Variants in KIAA1671 observed in about 807,000 individuals in gnomAD.
KIAA1671 encodes the protein KIAA1671.
Under a neutral mutation model 131.2 loss-of-function variants are expected in KIAA1671, and 52 were observed. That is an observed-to-expected ratio of 0.40 (90% confidence interval 0.32 to 0.50). The LOEUF (loss-of-function observed/expected upper bound fraction) is 0.50, where lower values mean the gene tolerates loss of function less well. Ranked by LOEUF, KIAA1671 falls within the 20% of genes least tolerant of loss-of-function variation. KIAA1671 has a pLI of 0.73. For synonymous variants in KIAA1671, 1,003 were observed against 961.6 expected, an observed-to-expected ratio of 1.04 and a Z score of -0.80; for missense variants, 2,360 against 2,364.2, an observed-to-expected ratio of 1.00 and a Z score of 0.04.
intron 6 of KIAA1671, among the ~76,000 whole-genome samples, chr22:25,085,779 G>GAGGA (rs1390719601): frequency 2.3e-5 from 2 of 87,232 alleles, no homozygotes; most frequent in African/African-American, 7.9e-5. Context: ...GGAAGGAAGG[G>GAGGA]AGGAAGGGAG....
In KIAA1671 at chr22:25,003,400, A is replaced by AT. The variant is rs71191013; in HGVS notation, c.-207-22204dup. ...GCCTTATCTCCTTTCACTTGGAGAG[A>AT]TTTTTTTTTTTTTTTTTTTTTTTTT... On this transcript the variant is annotated intron_variant, in intron 1 of 12. Coordinates refer to ENST00000358431, the MANE Select transcript of KIAA1671 (RefSeq NM_001145206.2). 9.2e-3 allele frequency among the ~76,000 whole-genome samples: 1,049 copies of AT among 113,764 alleles called. 80 individuals carry two copies. The highest frequency in any genetic ancestry group is 0.017 in the African/African-American group (409 of 23,792). The allele number at this position is 113,764 out of a possible 152,430, so 74.6% of individuals were successfully genotyped here.
At chr22:24,995,102 G>A (rs1349596685) in intron 1 of KIAA1671, among the ~76,000 whole-genome samples, 12 of 150,896 alleles carry the variant, frequency 8.0e-5, no homozygotes, top group Middle Eastern at 3.4e-3. Context: ...CCAGGCTGGA[G>A]TGCAGTGGCG....
rs750459293 is a variant in KIAA1671 at position 25,159,192 on chromosome 22, G to T, written c.4531-11628G>T. On this transcript the variant is annotated intron_variant, in intron 6 of 12. Coordinates refer to ENST00000358431, the MANE Select transcript of KIAA1671 (RefSeq NM_001145206.2). ...AGAGCTTTGTCAGGCACTCCCAGCCGGGAAACCAAATACGCCTCCTGCAGA... is the reference window on the plus strand; with the variant it reads ...AGAGCTTTGTCAGGCACTCCCAGCCTGGAAACCAAATACGCCTCCTGCAGA... 3.3e-4 allele frequency among the ~76,000 whole-genome samples: 50 copies of T among 152,238 alleles called. 1 individual carries two copies. The highest frequency in any genetic ancestry group is 1.6e-3 in the Admixed American group (24 of 15,294).
intron 1 of KIAA1671, among the ~76,000 whole-genome samples, chr22:24,971,146 G>A (rs1198375880): frequency 6.6e-6 from 1 of 152,086 alleles, no homozygotes; most frequent in Admixed American, 6.6e-5. Flanking sequence ...AGTAGAGACG[G>A]GGTTTCACCA....
intron 6 of KIAA1671, chr22:25,058,429 A>C (rs1220533766): frequency 2.0e-5 from 3 of 152,152 alleles, no homozygotes; most frequent in Non-Finnish European, 1.5e-5. Context: ...ATGTAGTATC[A>C]GACTTTTCTT....
chr22:24,965,490 C>T (rs1922251794), intron 1 of KIAA1671, among the ~76,000 whole-genome samples: 1 of 150,788 alleles, frequency 6.6e-6, no homozygotes, highest in African/African-American at 2.4e-5. Flanking sequence ...CCTGTAATCC[C>T]AGCACTTTGG....
intron 6 of KIAA1671, among the ~76,000 whole-genome samples, chr22:25,081,767 C>T (rs1480169005): frequency 2.0e-5 from 3 of 152,060 alleles, no homozygotes; most frequent in Non-Finnish European, 4.4e-5. Flanking sequence ...AAAGGTTGCA[C>T]AGAGCCTCTG....
intron 1 of KIAA1671, among the ~76,000 whole-genome samples, chr22:25,004,096 C>T (rs1404576237): frequency 6.6e-6 from 1 of 151,522 alleles, no homozygotes; most frequent in Non-Finnish European, 1.5e-5. Flanking sequence ...GGAATACAGG[C>T]GTGAGCCACT....
chr22:25,091,376 G>A (rs769792674), intron 6 of KIAA1671, among the ~76,000 whole-genome samples: 2 of 152,102 alleles, frequency 1.3e-5, no homozygotes, highest in Admixed American at 1.3e-4. Flanking sequence ...TCTATTTCAA[G>A]CAAAGGTGTT....
chr22:25,015,227 TAAAA>T (rs3063199), intron 1 of KIAA1671, among the ~76,000 whole-genome samples: 96 of 115,812 alleles, frequency 8.3e-4, no homozygotes, highest in East Asian at 3.1e-3. Context: ...CCTTGTCCCT[TAAAA>T]AAAAAAAAAA....
chr22:24,982,399 A>G (rs904918416), intron 1 of KIAA1671, among the ~76,000 whole-genome samples: 2 of 152,216 alleles, frequency 1.3e-5, no homozygotes, highest in Non-Finnish European at 2.9e-5. Flanking sequence ...ACAGGCTGGC[A>G]CCTCATGGAG....
chr22:24,964,193 G>T (rs1452889147), intron 1 of KIAA1671, among the ~76,000 whole-genome samples: 1 of 151,830 alleles, frequency 6.6e-6, no homozygotes, highest in East Asian at 1.9e-4. Flanking sequence ...GCTAGGCATG[G>T]TGGTGCATGC....
chr22:25,190,200 G>A (rs1456079725), intron 11 of KIAA1671, among the ~76,000 whole-genome samples: 1 of 152,020 alleles, frequency 6.6e-6, no homozygotes, highest in Non-Finnish European at 1.5e-5. Flanking sequence ...GTTCCATCTG[G>A]GGGTGACGGG....
chr22:25,128,911 A>G (rs1932306115), intron 6 of KIAA1671, among the ~76,000 whole-genome samples: 3 of 152,210 alleles, frequency 2.0e-5, no homozygotes, highest in African/African-American at 7.2e-5. Context: ...ACCCCTGTCA[A>G]GCACCTGCTG....
At position 25,028,920 on chromosome 22, in the gene KIAA1671, A is replaced by G. The variant is rs1926114871; in HGVS notation, c.921A>G (p.Gly307=). Residue 307 remains glycine (G), a synonymous_variant, in exon 3 of 13, where the codon GGA becomes GGG. Coordinates refer to ENST00000358431, the MANE Select transcript of KIAA1671 (RefSeq NM_001145206.2). ...LLRKVADEGS[G]PTAGDMAGLE... ...GGAAGGTGGCCGATGAAGGAAGTGGACCCACAGCAGGGGATATGGCTGGGC... is the reference window on the plus strand; with the variant it reads ...GGAAGGTGGCCGATGAAGGAAGTGGGCCCACAGCAGGGGATATGGCTGGGC... 2 of 1,551,640 alleles carry G rather than the reference A, an allele frequency of 1.3e-6. No homozygotes were observed. Among genetic ancestry groups the G allele is most frequent in the Non-Finnish European group, 1.7e-6 (2 of 1,146,992 alleles).
At position 25,174,232 on chromosome 22, in the gene KIAA1671, T is replaced by C. The variant is rs1372284109; in HGVS notation, c.4650-8T>C. ...AACCATGTCTCCCTTCATTCCCTTT[T>C]TTGGCAGCTTGGCCACTGAGTCCCC... On this transcript the variant is annotated splice_polypyrimidine_tract_variant and splice_region_variant and intron_variant, in intron 7 of 12. Coordinates refer to ENST00000358431, the MANE Select transcript of KIAA1671 (RefSeq NM_001145206.2). 6.4e-7 allele frequency: 1 copy of C among 1,551,494 alleles called. No homozygotes were observed. The highest frequency in any genetic ancestry group is 1.2e-5 in the South Asian group (1 of 84,046).
chr22:24,980,294 C>T (rs1337954431), intron 1 of KIAA1671, among the ~76,000 whole-genome samples: 2 of 131,290 alleles, frequency 1.5e-5, no homozygotes, highest in Non-Finnish European at 3.1e-5. Flanking sequence ...TTTTTTGAGA[C>T]GGCGTCTTGC....
chr22:25,022,822 G>C (rs997998874), intron 1 of KIAA1671: 27 of 152,550 alleles, frequency 1.8e-4, no homozygotes, highest in African/African-American at 5.5e-4. Context: ...TATGAAACTA[G>C]AGGTGGCTCA....
At chr22:24,996,516 T>C (rs1042943319) in intron 1 of KIAA1671, among the ~76,000 whole-genome samples, 1 of 152,080 alleles carries the variant, frequency 6.6e-6, no homozygotes, top group African/African-American at 2.4e-5. Context: ...TGTCTTATGT[T>C]GGGTTCCCTA....
Sources: allele counts gnomAD v4.1 joint callset (sites outside exome capture counted in the v4.1 genomes callset), GRCh38; gene constraint gnomAD v4.1.1; transcripts MANE v1.5; gene names NCBI Gene and HGNC (gene_info 2026-07-23, HGNC 2026-07-21).